The following RNF138 variants were observed in gnomAD, a reference collection of about 807,000 sequenced individuals.
The protein encoded by RNF138 is E3 ubiquitin-protein ligase RNF138.
A neutral mutation model predicts 31.0 loss-of-function variants in RNF138; 12 were observed. The observed-to-expected ratio is 0.39, with a 90% CI of 0.25 to 0.63. The LOEUF (loss-of-function observed/expected upper bound fraction) is 0.63. Ranked by LOEUF, RNF138 falls within the 20% of genes least tolerant of loss-of-function variation. RNF138 has a pLI of 0.52. For synonymous variants in RNF138, 105 were observed against 99.5 expected (o/e 1.06, Z -0.33); for missense variants, 192 against 300.1 (o/e 0.64, Z 2.66).
chr18:32,119,465 C>T (rs746388348), intron 4 of RNF138, among the ~76,000 whole-genome samples: 2 of 151,994 alleles, frequency 1.3e-5, no homozygotes, highest in African/African-American at 2.4e-5. Flanking sequence ...AACTCTGTCT[C>T]TCAGGCTGGA....
rs1042455396 is a variant in RNF138, at chr18:32,130,758, A to G, written c.*1571A>G. ...AACCTTTTTCAGTCAAACAGTAAAG[A>G]CTTTATTTATGGATTGTAATAACAA... On this transcript the variant is annotated 3_prime_UTR_variant, in exon 8 of 8. Coordinates refer to ENST00000261593, the MANE Select transcript of RNF138 (RefSeq NM_016271.5). 3.9e-5 allele frequency: 6 copies of G among 152,548 alleles called. No homozygotes were observed. Among genetic ancestry groups the G allele is most frequent in the African/African-American group, 1.4e-4 (6 of 41,582 alleles). 9.4% of individuals were successfully genotyped at this position (152,548 alleles called of 1,614,324 possible). A position where few individuals can be genotyped will look rare whatever the true frequency, so the allele number is the denominator to read the frequency against.
chr18:32,098,239 C>A (rs2039850533), intron 2 of RNF138, among the ~76,000 whole-genome samples: 1 of 152,072 alleles, frequency 6.6e-6, no homozygotes. Context: ...CTCCTGACCT[C>A]AAGTGATCCT....
chr18:32,128,888 T>C (rs2040427310), intron 7 of RNF138, among the ~76,000 whole-genome samples: 1 of 128,584 alleles, frequency 7.8e-6, no homozygotes, highest in African/African-American at 2.6e-5. Flanking sequence ...ATCCTCTCTG[T>C]TTGTTTGTTA....
At chr18:32,099,552 A>C (rs28440020) in intron 2 of RNF138, among the ~76,000 whole-genome samples, 2,511 of 152,168 alleles carry the variant, frequency 0.017, 67 homozygotes, top group African/African-American at 0.058. Flanking sequence ...ACAGGCATGC[A>C]CCACTATACC....
At chr18:32,106,552 A>ATTTG (rs556297149) in intron 2 of RNF138, among the ~76,000 whole-genome samples, 2 of 144,310 alleles carry the variant, frequency 1.4e-5, no homozygotes, top group East Asian at 1.9e-4. Flanking sequence ...ATTTTATTTT[A>ATTTG]TTTATTTATT....
chr18:32,117,955 A>G (rs867792508), intron 4 of RNF138, among the ~76,000 whole-genome samples: 3 of 152,198 alleles, frequency 2.0e-5, no homozygotes, highest in South Asian at 2.1e-4. Flanking sequence ...AGACATTTCA[A>G]TTTTATCCTC....
intron 4 of RNF138, among the ~76,000 whole-genome samples, chr18:32,123,245 CTG>C (rs2144282760): frequency 6.6e-6 from 1 of 152,032 alleles, no homozygotes; most frequent in African/African-American, 2.4e-5. Context: ...ACTTCTGTAA[CTG>C]TGCATAAGTT....
Position 32,107,633 on chromosome 18 carries a change from A to G in RNF138, c.111-4121A>G, listed in dbSNP as rs553824288. On this transcript the variant is annotated intron_variant, in intron 2 of 7. Transcript: ENST00000261593. ...CCTCCCAGGTTCAAGTGATTCTCCT[A>G]CCTCAGCCTCCCAAGTAGCTAGGAT... Among the ~76,000 whole-genome samples the G allele has an allele frequency of 1.7e-3, 260 of 149,862 alleles. 1 individual carries two copies. The highest frequency in any genetic ancestry group is 2.6e-3 in the Non-Finnish European group (176 of 67,330).
intron 2 of RNF138, among the ~76,000 whole-genome samples, chr18:32,109,009 T>C (rs2040081554): frequency 6.6e-6 from 1 of 152,112 alleles, no homozygotes. Flanking sequence ...CAGAGTGGAA[T>C]TTATGCGCTC....
intron 2 of RNF138, among the ~76,000 whole-genome samples, chr18:32,106,546 T>C (rs1042765047): frequency 2.0e-5 from 3 of 147,160 alleles, no homozygotes; most frequent in African/African-American, 7.6e-5. Context: ...TTTTTTATTT[T>C]ATTTTATTTA....
intron 2 of RNF138, among the ~76,000 whole-genome samples, chr18:32,094,171 C>T (rs1043065968): frequency 6.6e-6 from 1 of 151,970 alleles, no homozygotes; most frequent in African/African-American, 2.4e-5. Flanking sequence ...ATTGACCAAC[C>T]TTCTAAATGT....
rs2040451387 is a variant in RNF138, at chr18:32,130,226, A to G, written c.*1039A>G. On this transcript the variant is annotated 3_prime_UTR_variant, in exon 8 of 8. Coordinates refer to ENST00000261593, the MANE Select transcript of RNF138 (RefSeq NM_016271.5). ...TGATTTGTTTAAAATTTTGTATATC[A>G]CCAAATTTTTAAAAAGTGATAGTCA... 6.6e-6 allele frequency: 1 copy of G among 152,172 alleles called. No homozygotes were observed. The allele number at this position is 152,172 out of a possible 1,614,324, so 9.4% of individuals were successfully genotyped here.
intron 2 of RNF138, among the ~76,000 whole-genome samples, chr18:32,100,468 C>CTTTTTTT (rs754111567): frequency 1.9e-4 from 13 of 69,884 alleles, no homozygotes; most frequent in Non-Finnish European, 2.6e-4. Context: ...ACCCAACTAA[C>CTTTTTTT]TTTTTTTTTT....
Position 32,124,845 on chromosome 18 carries a change from G to A in RNF138, c.561G>A (p.Val187=). ...ATCACCTATTTCAGATAGTTCCTGT[G>A]GTAAGTACATACGTTTGAGACAGTC... is the stretch of plus-strand genomic sequence containing the variant. The part of the protein sequence containing the change: ...NSNHLFQIVP[V]TCPICVSLPW... The change falls in exon 6 of 8, where the codon GTG becomes GTA. Residue 187 remains valine (V), a splice_region_variant and synonymous_variant. Transcript: ENST00000261593. The A allele has an allele frequency of 7.1e-7, 1 of 1,399,388 alleles. No homozygotes were observed. The highest frequency in any genetic ancestry group is 1.0e-6 in the Non-Finnish European group (1 of 984,700). The allele number at this position is 1,399,388 out of a possible 1,614,324, so 86.7% of individuals were successfully genotyped here. A position where few individuals can be genotyped will look rare whatever the true frequency, so the allele number is the denominator to read the frequency against.
At chr18:32,113,723 G>C (rs778554369) in intron 3 of RNF138, 22 bp from the exon 4 acceptor site, 1 of 1,097,416 alleles carries the variant, frequency 9.1e-7, no homozygotes, top group East Asian at 2.7e-5. Context: ...TAAATTAAAA[G>C]TCACATTTTA....
intron 2 of RNF138, among the ~76,000 whole-genome samples, chr18:32,100,173 C>T (rs1232096883): frequency 4.6e-5 from 7 of 150,644 alleles, no homozygotes; most frequent in African/African-American, 1.7e-4. Context: ...GGATCCCTGC[C>T]CTCTTGGAGC....
intron 2 of RNF138, among the ~76,000 whole-genome samples, chr18:32,097,009 G>A (rs2039820307): frequency 6.6e-6 from 1 of 152,180 alleles, no homozygotes; most frequent in South Asian, 2.1e-4. Context: ...TGGGATTACA[G>A]GCAAGAGCCT....
intron 2 of RNF138, among the ~76,000 whole-genome samples, chr18:32,107,033 TTCTG>T (rs1314959521): frequency 9.9e-5 from 15 of 152,066 alleles, no homozygotes; most frequent in Non-Finnish European, 2.1e-4. Context: ...AATTTTCTCT[TTCTG>T]TCTCCTATGG....
chr18:32,112,612 G>T (rs975715487), intron 3 of RNF138, among the ~76,000 whole-genome samples: 1 of 152,202 alleles, frequency 6.6e-6, no homozygotes, highest in African/African-American at 2.4e-5. Flanking sequence ...AACCTGGGCG[G>T]CAGAGGTTGC....
Sources: gnomAD v4.1 joint callset for allele counts (sites outside exome capture counted in the v4.1 genomes callset) on GRCh38, gnomAD v4.1.1 for gene constraint, MANE v1.5 for transcripts, NCBI Gene and HGNC (gene_info 2026-07-23, HGNC 2026-07-21) for gene names.